Variants in ABCF2 observed in about 807,000 individuals in gnomAD.
ABCF2 encodes the protein ATP binding cassette subfamily F member 2.
ABCF2 carries 37 observed loss-of-function variants against 76.9 expected under a neutral mutation model. The ratio of observed to expected loss-of-function variants is 0.48; its 90% CI spans 0.37 to 0.63. The LOEUF (loss-of-function observed/expected upper bound fraction) is 0.63, where lower values mean the gene tolerates loss of function less well. ABCF2 is among the 30% of genes least tolerant of loss of function. The pLI is 0.00. For missense variants in ABCF2, 524 were observed against 782.1 expected (o/e 0.67, Z 3.94); for synonymous variants, 299 against 283.7 (o/e 1.05, Z -0.54).
intron 7 of ABCF2, among the ~76,000 whole-genome samples, chr7:151,219,564 A>G (rs1368699553): frequency 6.6e-6 from 1 of 152,210 alleles, no homozygotes; most frequent in African/African-American, 2.4e-5. Flanking sequence ...GGGAAAACAG[A>G]CCATTCAGAT....
Position 151,225,937 on chromosome 7 carries a change from T to A in ABCF2, c.154+368A>T, listed in dbSNP as rs1285032443. On this transcript the variant is annotated intron_variant, in intron 2 of 14. Coordinates refer to ENST00000287844, the MANE Select transcript of ABCF2 (RefSeq NM_007189.3). ...GTTACTCTCTTGTAGGTAGAGCCAC[T>A]ACACCAGTGAGAGGACAAGCTTATT... 5.3e-5 allele frequency among the ~76,000 whole-genome samples: 8 copies of A among 152,308 alleles called. No individual in the cohort carries two copies. In the East Asian group the frequency reaches 1.5e-3, roughly 29 times the overall value.
At chr7:151,218,517 C>A in intron 10 of ABCF2, 44 bp downstream of exon 10, 1 of 1,542,856 alleles carries the variant, frequency 6.5e-7, no homozygotes. Context: ...CTGCCACTCA[C>A]CCTAAGATAC....
Position 151,212,613 on chromosome 7 carries a change from T to G in ABCF2, c.*1441A>C, listed in dbSNP as rs75114719. 3.4e-3 allele frequency: 1,561 copies of G among 452,772 alleles called. 23 individuals are homozygous for G. Among genetic ancestry groups the G allele is most frequent in the African/African-American group, 0.031 (1,481 of 47,070 alleles). 28.0% of individuals were successfully genotyped at this position (452,772 alleles called of 1,614,324 possible). On this transcript the variant is annotated 3_prime_UTR_variant, in exon 15 of 15. Transcript: ENST00000287844. ...CTGGGCTCAAGTGAGCCTCCTCTTA[T>G]CAGAGCAGCTGGGACCGCAGGCACA...
chr7:151,213,644 C>A lies in ABCF2; in HGVS notation c.*410G>T. 1.0e-6 allele frequency: 1 copy of A among 999,758 alleles called. No individual in the cohort carries two copies. The highest frequency in any genetic ancestry group is 1.2e-6 in the Non-Finnish European group (1 of 840,294). The allele number at this position is 999,758 out of a possible 1,614,324, so 61.9% of individuals were successfully genotyped here. ...CTCCAAACCAGAAGCAAAAAGGAAT[C>A]GGGGCGGTGGGCTGGGGGGTACTCC... is the stretch of plus-strand genomic sequence containing the variant. On this transcript the variant is annotated 3_prime_UTR_variant, in exon 15 of 15. Transcript: ENST00000287844.
At position 151,224,865 on chromosome 7, in the gene ABCF2, A is replaced by G. The variant is rs755551561; in HGVS notation, c.278T>C (p.Leu93Pro). 25 of 1,614,044 alleles carry G rather than the reference A, an allele frequency of 1.5e-5. No individual in the cohort carries two copies. The highest frequency in any genetic ancestry group is 2.0e-5 in the Non-Finnish European group (24 of 1,180,016). ...STDVHIINLSLTFHGQELLSD... is the reference protein window; with the variant it reads ...STDVHIINLSPTFHGQELLSD... ...GAGCAGCTCTTGACCATGAAAGGTA[A>G]GTGAGAGGTTGATGATGTGAACATC... Residue 93 changes from leucine to proline, a missense_variant, in exon 3 of 15, where the codon CTT becomes CCT. Coordinates refer to ENST00000287844, the MANE Select transcript of ABCF2 (RefSeq NM_007189.3).
Position 151,212,170 on chromosome 7 carries a change from T to A in ABCF2, c.*1884A>T. On this transcript the variant is annotated 3_prime_UTR_variant, in exon 15 of 15. Transcript: ENST00000287844. ...GCTCCCGCCAGTCCTGGCTGTATTATGAGTACTGAAAAATCATGGCTGTGT... is the reference window on the plus strand; with the variant it reads ...GCTCCCGCCAGTCCTGGCTGTATTAAGAGTACTGAAAAATCATGGCTGTGT... The A allele has an allele frequency of 3.0e-6, 3 of 985,444 alleles. No homozygotes were observed. In the South Asian group the frequency reaches 1.4e-4, roughly 46 times the overall value. The allele number at this position is 985,444 out of a possible 1,614,324, so 61.0% of individuals were successfully genotyped here.
intron 6 of ABCF2, 164 bp from the exon 7 acceptor site, chr7:151,221,844 T>C (rs1802275343): frequency 3.4e-6 from 2 of 586,090 alleles, no homozygotes; most frequent in South Asian, 1.9e-5. Context: ...ACAATCTAAC[T>C]GTAAGGGTAT....
At chr7:151,226,766 C>T in intron 1 of ABCF2, 1 of 257,894 alleles carries the variant, frequency 3.9e-6, no homozygotes, top group Non-Finnish European at 7.4e-6. Context: ...TTCAGGGCCT[C>T]CGGCTGGGGA....
intron 2 of ABCF2, 29 bp from the exon 3 acceptor site, chr7:151,225,017 T>C (rs535923205): frequency 6.2e-6 from 10 of 1,603,742 alleles, no homozygotes; most frequent in East Asian, 4.5e-5. Context: ...TTTGGGAAGA[T>C]GGCGTGAGAC....
chr7:151,227,042 A>G (rs1296809783), intron 1 of ABCF2, 121 bp downstream of exon 1: 1 of 106,002 alleles, frequency 9.4e-6, no homozygotes, highest in Non-Finnish European at 1.8e-5. Context: ...TCTCTCCCTT[A>G]GCCCTATCTT....
At position 151,213,224 on chromosome 7, in the gene ABCF2, C is replaced by T. The variant is rs1026987026; in HGVS notation, c.*830G>A. ...CTAGAAATGTTAACGTTCTTGGTCT[C>T]CCCCAAAACCTATTGAACCAGAAAC... On this transcript the variant is annotated 3_prime_UTR_variant, in exon 15 of 15. Coordinates refer to ENST00000287844, the MANE Select transcript of ABCF2 (RefSeq NM_007189.3). The T allele has an allele frequency of 5.1e-6, 5 of 978,942 alleles. No homozygotes were observed. The highest frequency in any genetic ancestry group is 9.5e-5 in the South Asian group (2 of 21,114). The allele number at this position is 978,942 out of a possible 1,614,324, so 60.6% of individuals were successfully genotyped here. A position where few individuals can be genotyped will look rare whatever the true frequency, so the allele number is the denominator to read the frequency against.
chr7:151,216,945 A>C (rs991348275), intron 11 of ABCF2, among the ~76,000 whole-genome samples: 6 of 152,238 alleles, frequency 3.9e-5, no homozygotes, highest in Admixed American at 6.5e-5. Flanking sequence ...TGGCAATTTT[A>C]AGAGTGGTGG....
In ABCF2 at chr7:151,221,587, C is replaced by T. The variant is rs778084605; in HGVS notation, c.912G>A (p.Lys304=). The change falls in exon 7 of 15, where the codon AAG becomes AAA. Residue 304 remains lysine, a synonymous_variant. Coordinates refer to ENST00000287844, the MANE Select transcript of ABCF2 (RefSeq NM_007189.3). ...GCCGAGGCCCACTCACCGTATAATA[C>T]TTCAGTTTCTTGTTGTGCATGTGAA... ...NIIHMHNKKL[K]YYTGNYDQYV... The T allele has an allele frequency of 2.2e-5, 35 of 1,581,332 alleles. No homozygotes were observed. Among genetic ancestry groups the T allele is most frequent in the Non-Finnish European group, 2.7e-5 (31 of 1,153,336 alleles).
In ABCF2 at chr7:151,224,026, G is replaced by A; in HGVS notation, c.456C>T (p.Pro152=). 6.2e-7 allele frequency: 1 copy of A among 1,614,138 alleles called. No individual in the cohort carries two copies. The highest frequency in any genetic ancestry group is 8.5e-7 in the Non-Finnish European group (1 of 1,179,998). ...IDIYHLTREM[P]PSDKTPLHCV... is the part of the protein sequence containing the mutation. ...AATGCAAGGGTGTCTTGTCACTAGG[G>A]GGCATCTCTCGAGTCAGATGGTAGA... The change falls in exon 4 of 15, where the codon CCC becomes CCT. Residue 152 remains proline (P), a synonymous_variant. Transcript: ENST00000287844.
Position 151,215,103 on chromosome 7 carries a change from C to T in ABCF2, c.1531-21G>A. The T allele has an allele frequency of 6.2e-7, 1 of 1,602,370 alleles. No homozygotes were observed. Among genetic ancestry groups the T allele is most frequent in the East Asian group, 2.3e-5 (1 of 44,348 alleles). ...CTCACCTGAGTAGAACCGTGACCTA[C>T]ATATAACTTGGCATTATCCCCGCCA... is the stretch of plus-strand genomic sequence containing the variant. On this transcript the variant is annotated intron_variant, in intron 13 of 14. Transcript: ENST00000287844. The surrounding 1 kb of genome is among the most constrained non-coding windows in gnomAD (Gnocchi z 4.6).
At chr7:151,225,639 G>A (rs1364835687) in intron 2 of ABCF2, among the ~76,000 whole-genome samples, 1 of 152,216 alleles carries the variant, frequency 6.6e-6, no homozygotes, top group Non-Finnish European at 1.5e-5. Flanking sequence ...CTATCCAAGA[G>A]ATAATAAATA....
chr7:151,214,952 G>A lies in ABCF2; in HGVS notation c.1661C>T (p.Ala554Val). 1.2e-6 allele frequency: 2 copies of A among 1,614,204 alleles called. No individual in the cohort carries two copies. Among genetic ancestry groups the A allele is most frequent in the Non-Finnish European group, 1.7e-6 (2 of 1,180,042 alleles). Residue 554 changes from alanine (A) to valine (V), a missense_variant, in exon 14 of 15, where the codon GCC (alanine) becomes GTC (valine). Coordinates refer to ENST00000287844, the MANE Select transcript of ABCF2 (RefSeq NM_007189.3). The surrounding 1 kb of genome is among the most constrained non-coding windows in gnomAD (Gnocchi z 4.9). ...AAACTCATTGATGGCATCTGCCAGG[G>A]CGTCGATGGTCTCGATATCCAGGTG... is the stretch of plus-strand genomic sequence containing the variant. ...TNHLDIETID[A>V]LADAINEFEG... is the part of the protein sequence containing the mutation.
intron 8 of ABCF2, 93 bp from the exon 9 acceptor site, chr7:151,218,966 G>T: frequency 6.2e-7 from 1 of 1,608,734 alleles, no homozygotes; most frequent in South Asian, 1.1e-5. Context: ...ACTTCTTCCC[G>T]ACATCCTCCA....
chr7:151,218,102 A>T lies in ABCF2; in HGVS notation c.1317T>A (p.Leu439=), dbSNP rs1056008900. The change falls in exon 11 of 15, where the codon CTT becomes CTA. Residue 439 remains leucine, a synonymous_variant. Coordinates refer to ENST00000287844, the MANE Select transcript of ABCF2 (RefSeq NM_007189.3). ...VGPNGAGKST[L]LKLLTGELLP... ...ATACCTCTCCAGTTAGCAGCTTCAGAAGAGTTGACTTCCCTGCTCCATTGG... is the reference window on the plus strand; with the variant it reads ...ATACCTCTCCAGTTAGCAGCTTCAGTAGAGTTGACTTCCCTGCTCCATTGG... 1 of 1,613,794 alleles carries T rather than the reference A, an allele frequency of 6.2e-7. No homozygotes were observed. The highest frequency in any genetic ancestry group is 8.5e-7 in the Non-Finnish European group (1 of 1,179,812).
Sources: allele counts gnomAD v4.1 joint callset (sites outside exome capture counted in the v4.1 genomes callset), GRCh38; gene constraint gnomAD v4.1.1; non-coding constraint Gnocchi (gnomAD v3.1); transcripts MANE v1.5; gene names NCBI Gene and HGNC (gene_info 2026-07-23, HGNC 2026-07-21).